Variants in RIN2 observed in about 807,000 individuals in gnomAD.
RIN2 encodes the protein RAB5 interacting protein 2.
In RIN2, 36 loss-of-function variants were observed where a neutral mutation model predicts 78.0. The ratio of observed to expected loss-of-function variants is 0.46; its 90% CI spans 0.35 to 0.61. The LOEUF is 0.61. Ranked by LOEUF, RIN2 falls within the 20% of genes least tolerant of loss-of-function variation. RIN2 has a pLI of 0.00. For missense variants in RIN2, 1,087 were observed against 1,159.7 expected, an observed-to-expected ratio of 0.94 and a Z score of 0.91; for synonymous variants, 466 against 466.8, an observed-to-expected ratio of 1.00 and a Z score of 0.02.
chr20:19,758,697 G>A (rs952593964), intron 1 of RIN2, among the ~76,000 whole-genome samples: 2 of 152,210 alleles, frequency 1.3e-5, no homozygotes, highest in East Asian at 1.9e-4. Context: ...GTGTGCGTGC[G>A]TGTGCACCGG....
rs75204853 is a variant in RIN2, at chr20:19,839,910, C to T, written c.-37+40163C>T. On this transcript the variant is annotated intron_variant, in intron 2 of 12. Coordinates refer to ENST00000255006, the MANE Select transcript of RIN2 (RefSeq NM_018993.4). ...CTGTAAATGCAAAATTGAAACCCGC[C>T]TTTCCTGCAGCAGTAAAGCCTTAGA... Among the ~76,000 whole-genome samples, 1,382 of 152,270 alleles carry T rather than the reference C, an allele frequency of 9.1e-3. 16 individuals carry two copies. Among genetic ancestry groups the T allele is most frequent in the African/African-American group, 0.032 (1,312 of 41,558 alleles).
chr20:19,916,295 C>T (rs2039682776), intron 3 of RIN2, among the ~76,000 whole-genome samples: 1 of 152,108 alleles, frequency 6.6e-6, no homozygotes. Context: ...TTACTGTCCC[C>T]AGGAACACTG....
intron 4 of RIN2, among the ~76,000 whole-genome samples, chr20:19,949,196 C>T (rs909072531): frequency 2.0e-5 from 3 of 152,292 alleles, no homozygotes; most frequent in East Asian, 3.9e-4. Context: ...GCAGGAGAAT[C>T]GCTTGAGCCT....
intron 1 of RIN2, among the ~76,000 whole-genome samples, chr20:19,785,438 G>T (rs1334808348): frequency 1.3e-5 from 2 of 152,196 alleles, no homozygotes; most frequent in African/African-American, 4.8e-5. Context: ...AGTGAAATGA[G>T]AGTTGACTGA....
chr20:19,792,297 A>G (rs6046324), intron 1 of RIN2, among the ~76,000 whole-genome samples: 5,900 of 152,304 alleles, frequency 0.039, 420 homozygotes, highest in African/African-American at 0.14. Flanking sequence ...TACATTTCTA[A>G]AAGATGGCGA....
At chr20:19,982,030 C>T (rs898851856) in intron 9 of RIN2, among the ~76,000 whole-genome samples, 1 of 152,198 alleles carries the variant, frequency 6.6e-6, no homozygotes, top group Non-Finnish European at 1.5e-5. Context: ...GTGTGTGCTG[C>T]ATGAGGGCCT....
At chr20:19,952,365 C>A (rs2041354500) in intron 4 of RIN2, among the ~76,000 whole-genome samples, 3 of 152,184 alleles carry the variant, frequency 2.0e-5, no homozygotes, top group African/African-American at 7.2e-5. Context: ...AGGTGGAGCA[C>A]CAGTAGCATC....
intron 2 of RIN2, chr20:19,823,559 T>C: frequency 7.2e-7 from 1 of 1,396,802 alleles, no homozygotes; most frequent in Non-Finnish European, 1.0e-6. Flanking sequence ...ATCTCTTTAG[T>C]GGTTCCAGAG....
intron 3 of RIN2, among the ~76,000 whole-genome samples, chr20:19,918,139 G>A (rs1399187032): frequency 6.6e-6 from 1 of 152,110 alleles, no homozygotes; most frequent in Non-Finnish European, 1.5e-5. Flanking sequence ...AGTGCATTCC[G>A]GAAAGGCAAA....
At chr20:19,962,661 G>A (rs1414020594) in intron 6 of RIN2, among the ~76,000 whole-genome samples, 1 of 152,216 alleles carries the variant, frequency 6.6e-6, no homozygotes, top group Non-Finnish European at 1.5e-5. Context: ...GCCAGGGCCT[G>A]TTTATCTTCT....
chr20:19,800,649 C>T (rs1271842528), intron 2 of RIN2, among the ~76,000 whole-genome samples: 2 of 152,188 alleles, frequency 1.3e-5, no homozygotes, highest in Admixed American at 6.5e-5. Context: ...AAGGCTGGCT[C>T]CAGCCCCCAG....
At chr20:19,966,906 G>GACAC (rs10653532) in intron 7 of RIN2, among the ~76,000 whole-genome samples, 23,322 of 150,226 alleles carry the variant, frequency 0.16, 1,888 homozygotes, top group African/African-American at 0.18. Context: ...GCCCCCAACA[G>GACAC]ACACACACAC....
chr20:19,865,012 A>T (rs1017753918), intron 2 of RIN2, among the ~76,000 whole-genome samples: 2 of 152,154 alleles, frequency 1.3e-5, no homozygotes, highest in African/African-American at 4.8e-5. Flanking sequence ...TACCTGAAAA[A>T]CCTGAATTAG....
chr20:19,788,108 G>A (rs1473577048), intron 1 of RIN2, among the ~76,000 whole-genome samples: 1 of 152,170 alleles, frequency 6.6e-6, no homozygotes, highest in Non-Finnish European at 1.5e-5. Flanking sequence ...CAAAGGGTAT[G>A]TGCAAGCCAT....
At chr20:19,821,669 T>A (rs545896048) in intron 2 of RIN2, among the ~76,000 whole-genome samples, 1 of 152,150 alleles carries the variant, frequency 6.6e-6, no homozygotes, top group African/African-American at 2.4e-5. Context: ...GCTCTCTCTC[T>A]CTCTCTCTGC....
intron 12 of RIN2, 41 bp downstream of exon 12, chr20:19,996,883 G>A: frequency 1.3e-6 from 2 of 1,526,318 alleles, no homozygotes; most frequent in Non-Finnish European, 1.8e-6. Context: ...CGTCCTCCAG[G>A]AATGCGGAGC....
chr20:19,789,474 T>G (rs2034817849), intron 1 of RIN2, among the ~76,000 whole-genome samples: 1 of 152,246 alleles, frequency 6.6e-6, no homozygotes, highest in Non-Finnish European at 1.5e-5. Flanking sequence ...CTCTTAATTT[T>G]CTTCCTAGTC....
chr20:19,765,004 A>C (rs1411178156), intron 1 of RIN2, among the ~76,000 whole-genome samples: 1 of 136,990 alleles, frequency 7.3e-6, no homozygotes, highest in African/African-American at 2.8e-5. Flanking sequence ...GCTCACTGCA[A>C]CCTCTGCCTA....
At chr20:19,966,006 G>GT (rs756999578) in intron 7 of RIN2, among the ~76,000 whole-genome samples, 36 of 152,254 alleles carry the variant, frequency 2.4e-4, no homozygotes, top group Non-Finnish European at 3.7e-4. Flanking sequence ...AGCAATAACA[G>GT]TTTTTTCACA....
Sources: allele counts gnomAD v4.1 joint callset (sites outside exome capture counted in the v4.1 genomes callset), GRCh38; gene constraint gnomAD v4.1.1; transcripts MANE v1.5; gene names NCBI Gene and HGNC (gene_info 2026-07-23, HGNC 2026-07-21).